EFCAB13: variants seen among roughly 807,000 people sequenced by gnomAD.
EFCAB13 encodes the protein EF-hand calcium-binding domain-containing protein 13.
Under a neutral mutation model 110.2 loss-of-function variants are expected in EFCAB13, and 91 were observed. That is an observed-to-expected ratio of 0.83 (90% CI 0.70 to 0.98). EFCAB13 has a LOEUF of 0.98. EFCAB13 is among the 50% of genes least tolerant of loss of function. The pLI is 0.00. For synonymous variants in EFCAB13, 323 were observed against 369.9 expected (o/e 0.87, Z 1.45); for missense variants, 968 against 1,119.4 (o/e 0.86, Z 1.93).
At chr17:47,408,711 C>G (rs1027716636) in intron 20 of EFCAB13, among the ~76,000 whole-genome samples, 2 of 152,060 alleles carry the variant, frequency 1.3e-5, no homozygotes, top group African/African-American at 4.8e-5. Flanking sequence ...CCCCCCACCT[C>G]ACACCAGAGA....
intron 6 of EFCAB13, among the ~76,000 whole-genome samples, chr17:47,342,988 G>A (rs1203139117): frequency 1.3e-5 from 2 of 151,876 alleles, no homozygotes; most frequent in Non-Finnish European, 1.5e-5. Context: ...AATATGCCCT[G>A]TGTCATGTTT....
At chr17:47,416,092 T>C (rs1440604245) in intron 23 of EFCAB13, among the ~76,000 whole-genome samples, 4 of 152,184 alleles carry the variant, frequency 2.6e-5, no homozygotes, top group Non-Finnish European at 4.4e-5. Context: ...GGATGCCTTA[T>C]AGTATTTTTA....
intron 9 of EFCAB13, among the ~76,000 whole-genome samples, chr17:47,353,628 G>T (rs981487150): frequency 2.6e-5 from 4 of 152,074 alleles, no homozygotes; most frequent in Admixed American, 1.3e-4. Flanking sequence ...AAGGATATGT[G>T]AATGTGATAG....
intron 10 of EFCAB13, among the ~76,000 whole-genome samples, chr17:47,366,412 A>G (rs1352239238): frequency 6.6e-6 from 1 of 151,798 alleles, no homozygotes; most frequent in Non-Finnish European, 1.5e-5. Flanking sequence ...GGCTTTCAAT[A>G]TTGTGGAGCT....
Position 47,402,758 on chromosome 17 carries a change from C to G in EFCAB13, c.2017+555C>G, listed in dbSNP as rs575549321. ...GGATTATGATCAAAGTGCCAAAATC[C>G]TCAGAGAATGTGAAGGAGTGATCAG... On this transcript the variant is annotated intron_variant, in intron 18 of 24. Coordinates refer to ENST00000331493, the MANE Select transcript of EFCAB13 (RefSeq NM_152347.5). Among the ~76,000 whole-genome samples, 13 of 152,236 alleles carry G rather than the reference C, an allele frequency of 8.5e-5. No homozygotes were observed. The South Asian group carries it at 1.5e-3, about 17-fold the overall frequency.
chr17:47,347,728 T>C, intron 8 of EFCAB13, 80 bp from the exon 9 acceptor site: 1 of 1,146,312 alleles, frequency 8.7e-7, no homozygotes, highest in Non-Finnish European at 1.1e-6. Flanking sequence ...TTAGTGATTA[T>C]TATTTTTTTG....
At chr17:47,351,107 G>T (rs2065447128) in intron 9 of EFCAB13, among the ~76,000 whole-genome samples, 1 of 151,938 alleles carries the variant, frequency 6.6e-6, no homozygotes, top group African/African-American at 2.4e-5. Context: ...CATGCTCTAT[G>T]TCCATGTGTA....
At chr17:47,437,826 T>C (rs1905241096) in intron 24 of EFCAB13, among the ~76,000 whole-genome samples, 1 of 152,124 alleles carries the variant, frequency 6.6e-6, no homozygotes. Context: ...AGTACTTTGG[T>C]TTTTTGTTTT....
chr17:47,398,689 C>G (rs2065761947), intron 17 of EFCAB13, among the ~76,000 whole-genome samples: 1 of 150,834 alleles, frequency 6.6e-6, no homozygotes, highest in African/African-American at 2.4e-5. Flanking sequence ...TCCCTAATCT[C>G]AAGTACCCAG....
intron 9 of EFCAB13, among the ~76,000 whole-genome samples, chr17:47,358,277 A>G (rs1449479159): frequency 6.6e-6 from 1 of 152,196 alleles, no homozygotes; most frequent in Non-Finnish European, 1.5e-5. Context: ...AGAAACTAGT[A>G]AAAAGATCAA....
intron 23 of EFCAB13, among the ~76,000 whole-genome samples, chr17:47,418,647 C>T (rs1374271765): frequency 6.6e-6 from 1 of 152,122 alleles, no homozygotes; most frequent in East Asian, 1.9e-4. Context: ...ATGCAAACTC[C>T]TGAAGGTTTA....
chr17:47,434,681 G>C (rs1288145351), intron 24 of EFCAB13, among the ~76,000 whole-genome samples: 1 of 152,126 alleles, frequency 6.6e-6, no homozygotes, highest in Non-Finnish European at 1.5e-5. Context: ...GCATGGTACT[G>C]TTATAAAAAT....
At chr17:47,416,756 GTT>G (rs1264677276) in intron 23 of EFCAB13, among the ~76,000 whole-genome samples, 1 of 152,140 alleles carries the variant, frequency 6.6e-6, no homozygotes, top group Non-Finnish European at 1.5e-5. Context: ...GATAGCATGT[GTT>G]TTCAAAGTTC....
intron 11 of EFCAB13, among the ~76,000 whole-genome samples, chr17:47,373,905 A>G (rs1198441216): frequency 2.0e-5 from 3 of 152,164 alleles, no homozygotes; most frequent in Admixed American, 1.3e-4. Context: ...ATACTTTAAA[A>G]TGTGTTATTA....
intron 20 of EFCAB13, 142 bp downstream of exon 20, chr17:47,404,775 TTCAGTTA>T: frequency 2.1e-6 from 1 of 476,426 alleles, no homozygotes; most frequent in South Asian, 5.2e-5. Context: ...CTTGAACACT[TTCAGTTA>T]TGGGGAACTT....
intron 8 of EFCAB13, among the ~76,000 whole-genome samples, chr17:47,346,537 C>T (rs1038542255): frequency 6.8e-6 from 1 of 146,038 alleles, no homozygotes; most frequent in African/African-American, 2.5e-5. Context: ...CAGGGGAGTA[C>T]TACTGTCTCT....
intron 4 of EFCAB13, among the ~76,000 whole-genome samples, chr17:47,334,615 G>T (rs920796588): frequency 2.6e-5 from 4 of 152,134 alleles, no homozygotes; most frequent in African/African-American, 9.7e-5. Context: ...GTACCTTGAT[G>T]CCTTAAGAGC....
intron 12 of EFCAB13, among the ~76,000 whole-genome samples, chr17:47,375,461 CTT>C (rs1012299765): frequency 1.2e-4 from 18 of 144,500 alleles, no homozygotes; most frequent in African/African-American, 4.3e-4. Context: ...ACCCAGCTAA[CTT>C]TTTTTTTTTT....
intron 23 of EFCAB13, among the ~76,000 whole-genome samples, chr17:47,421,389 C>T (rs1273004810): frequency 6.6e-6 from 1 of 152,010 alleles, no homozygotes; most frequent in African/African-American, 2.4e-5. Flanking sequence ...GGATTAAGGG[C>T]GGTGCAAGAT....
Sources: gnomAD v4.1 joint callset for allele counts (sites outside exome capture counted in the v4.1 genomes callset) on GRCh38, gnomAD v4.1.1 for gene constraint, MANE v1.5 for transcripts, NCBI Gene and HGNC (gene_info 2026-07-23, HGNC 2026-07-21) for gene names.